Variants in CBFA2T3 observed in about 807,000 individuals in gnomAD.
CBFA2T3 encodes the protein transcriptional corepressor CBFA2T3.
CBFA2T3 carries 31 observed loss-of-function variants against 58.6 expected under a neutral mutation model. The observed-to-expected ratio is 0.53, with a 90% confidence interval of 0.40 to 0.71. The LOEUF (loss-of-function observed/expected upper bound fraction) is 0.71. Ranked by LOEUF, CBFA2T3 falls within the 30% of genes least tolerant of loss-of-function variation. The probability of loss-of-function intolerance (pLI) is 0.00; values close to 1 mark genes in which losing one functional copy is unlikely to be tolerated. For missense variants in CBFA2T3, 1,076 were observed against 963.1 expected (o/e 1.12, Z -1.55); for synonymous variants, 531 against 421.9 (o/e 1.26, Z -3.17).
At chr16:88,927,188 C>T (rs898917426) in intron 1 of CBFA2T3, among the ~76,000 whole-genome samples, 1 of 152,228 alleles carries the variant, frequency 6.6e-6, no homozygotes, top group Non-Finnish European at 1.5e-5. Context: ...AATGAACGGG[C>T]ACCGCCTAAC....
Position 88,892,425 on chromosome 16 carries a change from C to T in CBFA2T3, c.440G>A (p.Gly147Asp). The change falls in exon 4 of 12, where the codon GGC (glycine) becomes GAC (aspartate). Residue 147 changes from glycine to aspartate, a missense_variant. By Grantham distance (94) the Gly-to-Asp change is moderately conservative. Coordinates refer to ENST00000268679, the MANE Select transcript of CBFA2T3 (RefSeq NM_005187.6). ...CGAGGTGGCCGGGCCATTGCTGAAG[C>T]CGTTGGGTGTGCACGGTGCACCATT... ...AINGAPCTPN[G>D]FSNGPATSST... 1 of 1,613,558 alleles carries T rather than the reference C, an allele frequency of 6.2e-7. No individual in the cohort carries two copies. The highest frequency in any genetic ancestry group is 1.1e-5 in the South Asian group (1 of 91,090).
chr16:88,961,722 A>C (rs113168913), intron 1 of CBFA2T3, among the ~76,000 whole-genome samples: 105 of 72,696 alleles, frequency 1.4e-3, no homozygotes, highest in Non-Finnish European at 2.1e-3. Flanking sequence ...AGTAACCGAC[A>C]CTCAGCGCTG....
At chr16:88,942,341 C>A (rs1971772268) in intron 1 of CBFA2T3, among the ~76,000 whole-genome samples, 1 of 152,148 alleles carries the variant, frequency 6.6e-6, no homozygotes, top group African/African-American at 2.4e-5. Flanking sequence ...GCCCAGGGGT[C>A]ACCATTAGGA....
Position 88,885,050 on chromosome 16 carries a change from C to A in CBFA2T3, c.1113G>T (p.Pro371=). Residue 371 remains proline, a synonymous_variant, in exon 7 of 12, where the codon CCG becomes CCT. Transcript: ENST00000268679. The surrounding 1 kb of genome is among the most constrained non-coding windows in gnomAD (Gnocchi z 5.3). ...DPRELRERHR[P]LVVPGSRQEE... ...CCGCCCCACCGGGCTGCTCACCAAG[C>A]GGCCGATGGCGCTCTCGTAGCTCCC... 9.4e-6 allele frequency: 15 copies of A among 1,595,208 alleles called. No homozygotes were observed. Among genetic ancestry groups the A allele is most frequent in the South Asian group, 1.1e-5 (1 of 90,592 alleles).
intron 1 of CBFA2T3, among the ~76,000 whole-genome samples, chr16:88,965,389 A>G (rs986720638): frequency 1.3e-5 from 2 of 152,170 alleles, no homozygotes; most frequent in Admixed American, 1.3e-4. Flanking sequence ...AGTTTTTGAG[A>G]CTGTTTAATC....
intron 1 of CBFA2T3, chr16:88,950,345 A>C (rs1455439644): frequency 2.5e-6 from 1 of 404,350 alleles, no homozygotes; most frequent in Admixed American, 2.7e-5. Flanking sequence ...CGTCCCCTGG[A>C]CCGGCACCGC....
Position 88,882,005 on chromosome 16 carries a change from AGGATAGACTCT to A in CBFA2T3, c.1204-527_1204-517del, listed in dbSNP as rs1031253732. Among the ~76,000 whole-genome samples the A allele has an allele frequency of 2.6e-4, 40 of 152,364 alleles. No homozygotes were observed. The Middle Eastern group carries it at 0.01, about 39-fold the overall frequency. On this transcript the variant is annotated intron_variant, in intron 8 of 11. Coordinates refer to ENST00000268679, the MANE Select transcript of CBFA2T3 (RefSeq NM_005187.6). The stretch of plus-strand genomic sequence containing the variant: ...TTTGCCCACACTTCTTGCAAGACTC[AGGATAGACTCT>A]GGGAAGAGCCAGTGAGCAGAAAGTA...
At chr16:88,922,451 G>A (rs73254283) in intron 1 of CBFA2T3, among the ~76,000 whole-genome samples, 1 of 152,236 alleles carries the variant, frequency 6.6e-6, no homozygotes, top group African/African-American at 2.4e-5. Flanking sequence ...GCAGTGGGAA[G>A]GGGCTGTATG....
At chr16:88,905,195 G>C (rs563920856) in intron 1 of CBFA2T3, among the ~76,000 whole-genome samples, 2 of 152,222 alleles carry the variant, frequency 1.3e-5, no homozygotes, top group South Asian at 2.1e-4. Flanking sequence ...CGCCGTCTCT[G>C]GGGCGGGCAC....
chr16:88,886,245 G>C (rs1969368333), intron 5 of CBFA2T3, 103 bp from the exon 6 acceptor site: 1 of 799,386 alleles, frequency 1.3e-6, no homozygotes, highest in Admixed American at 3.4e-5. Flanking sequence ...AGCTCAACTT[G>C]ACCTCGGGCC....
At chr16:88,935,990 C>A (rs9939847) in intron 1 of CBFA2T3, among the ~76,000 whole-genome samples, 43,734 of 152,110 alleles carry the variant, frequency 0.29, 7,349 homozygotes, top group Middle Eastern at 0.52. Context: ...ATCCCCCTCC[C>A]CGCTGCCTCC....
rs1206919172 is a variant in CBFA2T3 at position 88,925,892 on chromosome 16, G to A, written c.152-24236C>T. Among the ~76,000 whole-genome samples the A allele has an allele frequency of 3.9e-5, 6 of 152,204 alleles. No homozygotes were observed. In the East Asian group the frequency reaches 5.8e-4, roughly 15 times the overall value. ...CGGTGCCATCCTCTCTACGCCAGAC[G>A]CCATGTGAACGTTTTTACGATGATT... is the stretch of plus-strand genomic sequence containing the variant. On this transcript the variant is annotated intron_variant, in intron 1 of 11. Coordinates refer to ENST00000268679, the MANE Select transcript of CBFA2T3 (RefSeq NM_005187.6).
In CBFA2T3 at chr16:88,949,790, C is replaced by A. The variant is rs544721243; in HGVS notation, c.151+26867G>T. Among the ~76,000 whole-genome samples, 6 of 152,190 alleles carry A rather than the reference C, an allele frequency of 3.9e-5. No homozygotes were observed. In the South Asian group the frequency reaches 1.2e-3, roughly 31 times the overall value. On this transcript the variant is annotated intron_variant, in intron 1 of 11. Coordinates refer to ENST00000268679, the MANE Select transcript of CBFA2T3 (RefSeq NM_005187.6). ...CTTTGGGAGGCCGAGGCAGGCAGAC[C>A]ACTTAGGGTCAGGAGTTCAAGACCA...
chr16:88,891,198 C>T (rs539971989), intron 5 of CBFA2T3, among the ~76,000 whole-genome samples: 4 of 152,192 alleles, frequency 2.6e-5, no homozygotes, highest in East Asian at 3.9e-4. Context: ...GCTCTCTCCA[C>T]CCCACGTATT....
At chr16:88,951,863 A>G (rs1972082584) in intron 1 of CBFA2T3, among the ~76,000 whole-genome samples, 1 of 152,164 alleles carries the variant, frequency 6.6e-6, no homozygotes, top group African/African-American at 2.4e-5. Flanking sequence ...AGGGTGTGCT[A>G]ATGGTTGGGT....
At chr16:88,922,803 G>A (rs1309985914) in intron 1 of CBFA2T3, among the ~76,000 whole-genome samples, 1 of 152,236 alleles carries the variant, frequency 6.6e-6, no homozygotes, top group African/African-American at 2.4e-5. Flanking sequence ...CTTTGCCCCT[G>A]CGTGGTTTCA....
Position 88,877,084 on chromosome 16 carries a change from G to T in CBFA2T3, c.1854C>A (p.Gly618=). The T allele has an allele frequency of 1.3e-6, 2 of 1,539,816 alleles. No individual in the cohort carries two copies. The highest frequency in any genetic ancestry group is 1.4e-5 in the African/African-American group (1 of 72,802). ...PGPPEAAHSL[G]PSLPVGAASP... ...TGGCAGCACCCACAGGCAGGGAGGG[G>T]CCCAGGCTGTGGGCGGCTTCGGGCG... The change falls in exon 12 of 12, where the codon GGC becomes GGA. Residue 618 remains glycine, a synonymous_variant. Coordinates refer to ENST00000268679, the MANE Select transcript of CBFA2T3 (RefSeq NM_005187.6).
intron 1 of CBFA2T3, among the ~76,000 whole-genome samples, chr16:88,913,807 C>A (rs943423778): frequency 2.0e-5 from 3 of 152,190 alleles, no homozygotes; most frequent in African/African-American, 7.2e-5. Flanking sequence ...GATAAATTAT[C>A]TACTCGACAC....
intron 8 of CBFA2T3, 83 bp from the exon 9 acceptor site, chr16:88,881,572 C>T (rs542005739): frequency 1.4e-4 from 201 of 1,433,702 alleles, no homozygotes; most frequent in Non-Finnish European, 1.3e-4. Flanking sequence ...GGCCAGAGCC[C>T]CGGACAGGAT....
Sources: gnomAD v4.1 joint callset for allele counts (sites outside exome capture counted in the v4.1 genomes callset) on GRCh38, gnomAD v4.1.1 for gene constraint, Gnocchi (gnomAD v3.1) non-coding constraint, MANE v1.5 for transcripts, NCBI Gene and HGNC (gene_info 2026-07-23, HGNC 2026-07-21) for gene names.